RARS2: variants seen among roughly 807,000 people sequenced by gnomAD.
The protein encoded by RARS2 is arginyl-tRNA synthetase 2, mitochondrial.
Under a neutral mutation model 88.5 loss-of-function variants are expected in RARS2, and 67 were observed. That is an observed-to-expected ratio of 0.76 (90% CI 0.62 to 0.93). The LOEUF (loss-of-function observed/expected upper bound fraction) is 0.93, where lower values mean the gene tolerates loss of function less well. Ranked by LOEUF, RARS2 falls within the 40% of genes least tolerant of loss-of-function variation. The pLI, the probability that RARS2 is intolerant of heterozygous loss-of-function variation, is 0.00. For synonymous variants in RARS2, 239 were observed against 230.3 expected (o/e 1.04, Z -0.34); for missense variants, 664 against 684.2 (o/e 0.97, Z 0.33).
At chr6:87,546,321 A>G (rs1582554847) in intron 6 of RARS2, among the ~76,000 whole-genome samples, 1 of 152,190 alleles carries the variant, frequency 6.6e-6, no homozygotes. Context: ...TTAGAGTTCC[A>G]GTAGTCTTCT....
chr6:87,547,595 A>G (rs1169000294), intron 6 of RARS2, among the ~76,000 whole-genome samples: 1 of 152,128 alleles, frequency 6.6e-6, no homozygotes. Flanking sequence ...GAAGCATTAC[A>G]ACTATGAAGT....
chr6:87,586,896 ATTTATT>A (rs1273214283), intron 1 of RARS2, among the ~76,000 whole-genome samples: 51 of 140,166 alleles, frequency 3.6e-4, no homozygotes, highest in African/African-American at 1.6e-3. Context: ...TTATTTATTT[ATTTATT>A]TATTTATTTA....
intron 2 of RARS2, among the ~76,000 whole-genome samples, chr6:87,565,677 T>C (rs755200419): frequency 9.2e-5 from 14 of 152,210 alleles, no homozygotes; most frequent in Admixed American, 2.6e-4. Context: ...AGGTTTGAAA[T>C]AGTTCAAGGT....
At chr6:87,577,110 T>C (rs762544891) in intron 1 of RARS2, among the ~76,000 whole-genome samples, 4 of 152,228 alleles carry the variant, frequency 2.6e-5, no homozygotes, top group South Asian at 2.1e-4. Flanking sequence ...TTTGCATCCA[T>C]GGTATCAGAA....
rs371994600 is a variant in RARS2 at position 87,577,116 on chromosome 6, C to T, written c.37-7526G>A. On this transcript the variant is annotated intron_variant, in intron 1 of 19. Coordinates refer to ENST00000369536, the MANE Select transcript of RARS2 (RefSeq NM_020320.5). ...CCCTACGCATTTGCATCCATGGTAT[C>T]AGAAGAAAAAATGTGAGATAAGAAC... Among the ~76,000 whole-genome samples, 3 of 152,280 alleles carry T rather than the reference C, an allele frequency of 2.0e-5. No homozygotes were observed. The East Asian group carries it at 5.8e-4, about 29-fold the overall frequency.
chr6:87,557,163 T>A (rs1786226598), intron 4 of RARS2, among the ~76,000 whole-genome samples: 1 of 152,176 alleles, frequency 6.6e-6, no homozygotes, highest in African/African-American at 2.4e-5. Context: ...ATCTTAAAGA[T>A]GGGCAACATT....
At position 87,589,066 on chromosome 6, in the gene RARS2, T is replaced by G. The variant is rs76415528; in HGVS notation, c.36+856A>C. 5.8e-3 allele frequency among the ~76,000 whole-genome samples: 886 copies of G among 152,254 alleles called. 6 individuals carry two copies. Among genetic ancestry groups the G allele is most frequent in the African/African-American group, 0.018 (768 of 41,548 alleles). The stretch of plus-strand genomic sequence containing the variant: ...CAAATGTCTAGAAATACTGTAAAAA[T>G]GAGCCAAGATAAATTATACACCAGG... On this transcript the variant is annotated intron_variant, in intron 1 of 19. Transcript: ENST00000369536.
At position 87,541,900 on chromosome 6, in the gene RARS2, G is replaced by C; in HGVS notation, c.612+18C>G. The C allele has an allele frequency of 6.3e-7, 1 of 1,597,990 alleles. No homozygotes were observed. The highest frequency in any genetic ancestry group is 8.6e-7 in the Non-Finnish European group (1 of 1,165,794). On this transcript the variant is annotated intron_variant, in intron 8 of 19. Coordinates refer to ENST00000369536, the MANE Select transcript of RARS2 (RefSeq NM_020320.5). Reference sequence around the variant, plus strand: ...TAGTACTCTGAAAAATTTTTGAAATGTTTTCTTGCCAACTTACTTCAAAGA... The same window carrying C: ...TAGTACTCTGAAAAATTTTTGAAATCTTTTCTTGCCAACTTACTTCAAAGA...
intron 8 of RARS2, among the ~76,000 whole-genome samples, chr6:87,533,450 C>T (rs949793415): frequency 6.6e-6 from 1 of 151,984 alleles, no homozygotes; most frequent in Non-Finnish European, 1.5e-5. Flanking sequence ...TTTAATTAAC[C>T]CTTGGAAAGT....
intron 7 of RARS2, among the ~76,000 whole-genome samples, chr6:87,542,647 C>T (rs1162834445): frequency 7.2e-6 from 1 of 138,052 alleles, no homozygotes; most frequent in Admixed American, 7.2e-5. Flanking sequence ...TTAATTTGAA[C>T]CTAAAAAAAA....
intron 1 of RARS2, among the ~76,000 whole-genome samples, 173 bp from the exon 2 acceptor site, chr6:87,569,763 T>C (rs1278153170): frequency 2.0e-5 from 3 of 152,114 alleles, no homozygotes; most frequent in Non-Finnish European, 2.9e-5. Context: ...ATTCAATTAT[T>C]TGACCCTCTG....
chr6:87,521,582 C>A, intron 11 of RARS2, 58 bp from the exon 12 acceptor site: 2 of 1,354,230 alleles, frequency 1.5e-6, no homozygotes, highest in Non-Finnish European at 2.1e-6. Context: ...AATAATTGGT[C>A]TTACCTATTT....
rs1470446078 is a variant in RARS2 at position 87,589,964 on chromosome 6, C to G, written c.-7G>C. Reference sequence around the variant, plus strand: ...GGCGAAAGCCGCACGCCATGTCCACCTCTACGGAAGTGCGCCGCAGTCCGC... The same window carrying G: ...GGCGAAAGCCGCACGCCATGTCCACGTCTACGGAAGTGCGCCGCAGTCCGC... On this transcript the variant is annotated 5_prime_UTR_variant, in exon 1 of 20. Transcript: ENST00000369536. The G allele has an allele frequency of 6.2e-7, 1 of 1,614,142 alleles. No individual in the cohort carries two copies. Among genetic ancestry groups the G allele is most frequent in the African/African-American group, 1.3e-5 (1 of 74,958 alleles).
At chr6:87,531,604 A>G (rs370780075) in intron 8 of RARS2, among the ~76,000 whole-genome samples, 1 of 152,180 alleles carries the variant, frequency 6.6e-6, no homozygotes, top group African/African-American at 2.4e-5. Flanking sequence ...AACTGTGTTG[A>G]GCACCTCTTC....
intron 2 of RARS2, among the ~76,000 whole-genome samples, chr6:87,566,480 C>T (rs866976676): frequency 4.0e-4 from 61 of 152,068 alleles, no homozygotes; most frequent in African/African-American, 1.4e-3. Flanking sequence ...TAGAAAAACA[C>T]ATTTAAAAAT....
At chr6:87,547,016 T>C (rs184293709) in intron 6 of RARS2, among the ~76,000 whole-genome samples, 1 of 152,230 alleles carries the variant, frequency 6.6e-6, no homozygotes, top group African/African-American at 2.4e-5. Context: ...TACAATACTT[T>C]GGGATGTTGG....
At chr6:87,568,378 T>C (rs1438431743) in intron 2 of RARS2, among the ~76,000 whole-genome samples, 2 of 152,170 alleles carry the variant, frequency 1.3e-5, no homozygotes, top group Admixed American at 1.3e-4. Context: ...CGTGAGCCTG[T>C]AGTCCAAGCT....
intron 5 of RARS2, among the ~76,000 whole-genome samples, chr6:87,552,403 G>T (rs921079132): frequency 1.3e-5 from 2 of 152,242 alleles, no homozygotes; most frequent in African/African-American, 4.8e-5. Context: ...AGAAGCAATG[G>T]TCTCACAACA....
chr6:87,578,131 T>C (rs1388062606), intron 1 of RARS2, among the ~76,000 whole-genome samples: 9 of 150,114 alleles, frequency 6.0e-5, no homozygotes, highest in Non-Finnish European at 1.3e-4. Flanking sequence ...CATCTCTATT[T>C]AAAAATAAAA....
Sources: gnomAD v4.1 joint callset for allele counts (sites outside exome capture counted in the v4.1 genomes callset) on GRCh38, gnomAD v4.1.1 for gene constraint, MANE v1.5 for transcripts, NCBI Gene and HGNC (gene_info 2026-07-23, HGNC 2026-07-21) for gene names.